CARD10: variants seen among roughly 807,000 people sequenced by gnomAD.
CARD10 encodes the protein caspase recruitment domain-containing protein 10.
A neutral mutation model predicts 114.6 loss-of-function variants in CARD10; 49 were observed. The ratio of observed to expected loss-of-function variants is 0.43; its 90% CI spans 0.34 to 0.54. The LOEUF (loss-of-function observed/expected upper bound fraction) is 0.54. Ranked by LOEUF, CARD10 falls within the 20% of genes least tolerant of loss-of-function variation. CARD10 has a pLI of 0.03. For missense variants in CARD10, 1,206 were observed against 1,397.2 expected, an observed-to-expected ratio of 0.86 and a Z score of 2.18; for synonymous variants, 602 against 593.2, an observed-to-expected ratio of 1.01 and a Z score of -0.21.
rs184229951 is a variant in CARD10 at position 37,507,930 on chromosome 22, G to A, written c.1090C>T (p.Arg364Trp). 2.7e-5 allele frequency: 44 copies of A among 1,614,086 alleles called. 1 individual carries two copies. Among genetic ancestry groups the A allele is most frequent in the Non-Finnish European group, 3.5e-5 (41 of 1,179,982 alleles). ...TTCTGCAGCGTGCGGTGCTTGAGCC[G>A]CAGGTCTTCCATCTCCTGCAGGTAC... is the stretch of plus-strand genomic sequence containing the variant. ...DQYLQEMEDL[R>W]LKHRTLQKDC... Residue 364 changes from arginine to tryptophan, a missense_variant, in exon 6 of 20, where the codon CGG (arginine) becomes TGG (tryptophan). This residue lies in a region of CARD10 where 1,068 missense variants were observed against 1,179.1 expected (regional missense o/e 0.91). Coordinates refer to ENST00000251973, the MANE Select transcript of CARD10 (RefSeq NM_014550.4).
chr22:37,502,842 A>T, intron 10 of CARD10, 117 bp from the exon 11 acceptor site: 1 of 1,240,270 alleles, frequency 8.1e-7, no homozygotes, highest in East Asian at 2.5e-5. Context: ...TTGAGGCCCC[A>T]GGAGCACATC....
chr22:37,510,942 C>T (rs183514640), intron 3 of CARD10, among the ~76,000 whole-genome samples: 1 of 152,012 alleles, frequency 6.6e-6, no homozygotes, highest in South Asian at 2.1e-4. Context: ...ATGAGCTGGG[C>T]GTGGTGGCAC....
intron 3 of CARD10, among the ~76,000 whole-genome samples, chr22:37,511,081 CAAAAAA>C (rs869295765): frequency 1.1e-5 from 1 of 92,068 alleles, no homozygotes; most frequent in Non-Finnish European, 2.3e-5. Flanking sequence ...GACTCTGTCT[CAAAAAA>C]AAAAAAAAAA....
intron 11 of CARD10, among the ~76,000 whole-genome samples, chr22:37,498,877 C>G (rs1055509876): frequency 7.3e-6 from 1 of 136,498 alleles, no homozygotes; most frequent in Non-Finnish European, 1.5e-5. Context: ...GACAATGACA[C>G]CCCTTGCCCT....
In CARD10 at chr22:37,496,843, T is replaced by G. The variant is rs1157019433; in HGVS notation, c.1947+176A>C. 3 of 787,894 alleles carry G rather than the reference T, an allele frequency of 3.8e-6. No homozygotes were observed. In the African/African-American group the frequency reaches 5.2e-5, roughly 14 times the overall value. 48.8% of individuals were successfully genotyped at this position (787,894 alleles called of 1,614,324 possible). On this transcript the variant is annotated intron_variant, in intron 12 of 19. Coordinates refer to ENST00000251973, the MANE Select transcript of CARD10 (RefSeq NM_014550.4). This position sits in a 1 kb window ranked among gnomAD's most constrained non-coding sequence, Gnocchi z 4.1. Reference sequence around the variant, plus strand: ...GCTCCACCTCCCAGTCCCTGCCCAATCAGACTTCAATTAAGCCTGGCTGAG... The same window carrying G: ...GCTCCACCTCCCAGTCCCTGCCCAAGCAGACTTCAATTAAGCCTGGCTGAG...
chr22:37,492,305 T>C lies in CARD10; in HGVS notation c.2751+130A>G. 2.9e-6 allele frequency: 2 copies of C among 697,248 alleles called. No individual in the cohort carries two copies. The highest frequency in any genetic ancestry group is 4.6e-6 in the Non-Finnish European group (2 of 430,822). The allele number at this position is 697,248 out of a possible 1,614,324, so 43.2% of individuals were successfully genotyped here. ...TGAAGGCCACAGGAGGGAAAGGACT[T>C]GGCCAGGGCCGCCCTGCCAGTGAGC... is the stretch of plus-strand genomic sequence containing the variant. On this transcript the variant is annotated intron_variant, in intron 18 of 19. Transcript: ENST00000251973. This position sits in a 1 kb window ranked among gnomAD's most constrained non-coding sequence, Gnocchi z 5.7.
rs1251429256 is a variant in CARD10 at position 37,499,856 on chromosome 22, G to T, written c.1788-2678C>A. Among the ~76,000 whole-genome samples the T allele has an allele frequency of 2.0e-5, 3 of 152,024 alleles. No homozygotes were observed. The East Asian group carries it at 5.8e-4, about 29-fold the overall frequency. On this transcript the variant is annotated intron_variant, in intron 11 of 19. Transcript: ENST00000251973. The stretch of plus-strand genomic sequence containing the variant: ...GTAGAGAAAGGACACAGCAGGGAGA[G>T]GGGCTGCCTGCTCCCCGCTCCTGGG...
intron 16 of CARD10, 30 bp downstream of exon 16, chr22:37,494,056 C>A: frequency 6.9e-7 from 1 of 1,459,748 alleles, no homozygotes; most frequent in Non-Finnish European, 9.4e-7. Flanking sequence ...GGGAGCAACA[C>A]GGGATACAGC....
Position 37,497,073 on chromosome 22 carries a change from A to G in CARD10, c.1893T>C (p.Ala631=). 2 of 1,614,086 alleles carry G rather than the reference A, an allele frequency of 1.2e-6. No homozygotes were observed. The highest frequency in any genetic ancestry group is 1.7e-6 in the Non-Finnish European group (2 of 1,180,014). Reference sequence around the variant, plus strand: ...GCCCAGACAGCACCCTGCGCACCACAGCCCCAGACCATCTGTCCCCATAAA... The same window carrying G: ...GCCCAGACAGCACCCTGCGCACCACGGCCCCAGACCATCTGTCCCCATAAA... ...LSFYGDRWSG[A]VVRRVLSGPG... is the part of the protein sequence containing the mutation. The change falls in exon 12 of 20, where the codon GCT becomes GCC. Residue 631 remains alanine (A), a synonymous_variant. Coordinates refer to ENST00000251973, the MANE Select transcript of CARD10 (RefSeq NM_014550.4).
At position 37,504,677 on chromosome 22, in the gene CARD10, A is replaced by T; in HGVS notation, c.1476T>A (p.Thr492=). 1 of 1,570,176 alleles carries T rather than the reference A, an allele frequency of 6.4e-7. No individual in the cohort carries two copies. The highest frequency in any genetic ancestry group is 1.2e-5 in the South Asian group (1 of 83,928). The part of the protein sequence containing the change: ...FPSPLGGPEA[T]GEAAVMGGPE... The stretch of plus-strand genomic sequence containing the variant: ...GTCCCCCCATGACAGCTGCCTCCCC[A>T]GTTGCTTCTGGGCCTCCCAGAGGGG... Residue 492 remains threonine, a synonymous_variant, in exon 8 of 20, where the codon ACT becomes ACA. Transcript: ENST00000251973.
chr22:37,510,350 C>T lies in CARD10; in HGVS notation c.771G>A (p.Pro257=), dbSNP rs992044188. The change falls in exon 4 of 20, where the codon CCG becomes CCA. Residue 257 remains proline (P), a synonymous_variant. Transcript: ENST00000251973. ...ECALLRRARG[P]PPGAEEKEKE... ...TCTCCTTCTCCTCTGCCCCAGGGGG[C>T]GGGCCCCTGGCCCTTCGAAGCAGTG... 1.9e-6 allele frequency: 3 copies of T among 1,612,808 alleles called. No individual in the cohort carries two copies. The highest frequency in any genetic ancestry group is 2.5e-6 in the Non-Finnish European group (3 of 1,179,916).
intron 11 of CARD10, among the ~76,000 whole-genome samples, chr22:37,499,722 A>G (rs1466562626): frequency 6.6e-6 from 1 of 151,998 alleles, no homozygotes; most frequent in African/African-American, 2.4e-5. Context: ...GACCAGGAAT[A>G]CCTGCTCCCA....
At chr22:37,497,572 C>T (rs1488760734) in intron 11 of CARD10, among the ~76,000 whole-genome samples, 3 of 152,146 alleles carry the variant, frequency 2.0e-5, no homozygotes, top group African/African-American at 4.8e-5. Context: ...CTAATAAAAG[C>T]TTGTTATATA....
chr22:37,490,522 C>T lies in CARD10; in HGVS notation c.*637G>A, dbSNP rs1308624592. 6.6e-6 allele frequency: 1 copy of T among 152,342 alleles called. No individual in the cohort carries two copies. 9.4% of individuals were successfully genotyped at this position (152,342 alleles called of 1,614,324 possible). On this transcript the variant is annotated 3_prime_UTR_variant, in exon 20 of 20. Transcript: ENST00000251973. ...GGAGTGGGCCCTGTGAGGCACGGTC[C>T]TGAGTGTGCCCGCCAGGAACGCACA...
Position 37,502,744 on chromosome 22 carries a change from G to A in CARD10, c.1664-19C>T, listed in dbSNP as rs745488661. 4.3e-6 allele frequency: 7 copies of A among 1,610,258 alleles called. No homozygotes were observed. The highest frequency in any genetic ancestry group is 1.3e-5 in the African/African-American group (1 of 74,874). On this transcript the variant is annotated intron_variant, in intron 10 of 19. Coordinates refer to ENST00000251973, the MANE Select transcript of CARD10 (RefSeq NM_014550.4). ...ACACTCCCTGGGGAAAAAGAATGAG[G>A]TTCAGGGATCTGGCACTGGGAAACA...
At position 37,516,123 on chromosome 22, in the gene CARD10, C is replaced by G. The variant is rs1329666723; in HGVS notation, c.549G>C (p.Glu183Asp). ...AGTCCTCCCGCAGCCGTTGACAGCG[C>G]TCCTGAGCCTGCTGCTGGTCCCGCA... is the stretch of plus-strand genomic sequence containing the variant. The part of the protein sequence containing the change: ...QRLRDQQQAQ[E>D]RCQRLREDWE... The change falls in exon 3 of 20, where the codon GAG becomes GAC. Residue 183 changes from glutamate (E) to aspartate (D), a missense_variant. Physicochemically the swap from Glu to Asp is conservative, Grantham distance 45. Transcript: ENST00000251973. 1 of 1,596,270 alleles carries G rather than the reference C, an allele frequency of 6.3e-7. No individual in the cohort carries two copies. The highest frequency in any genetic ancestry group is 2.3e-5 in the East Asian group (1 of 44,004).
At chr22:37,517,756 T>C (rs1287179322) in intron 2 of CARD10, among the ~76,000 whole-genome samples, 1 of 152,236 alleles carries the variant, frequency 6.6e-6, no homozygotes, top group African/African-American at 2.4e-5. Context: ...AAGAGCCATC[T>C]TAAGCATGTG....
chr22:37,515,192 A>G (rs1224150904), intron 3 of CARD10, among the ~76,000 whole-genome samples: 4 of 152,226 alleles, frequency 2.6e-5, no homozygotes, highest in Admixed American at 6.5e-5. Flanking sequence ...GTCTCTTGAT[A>G]ATAATATCAA....
Position 37,502,639 on chromosome 22 carries a change from G to C in CARD10, c.1750C>G (p.Leu584Val). 1 of 1,613,940 alleles carries C rather than the reference G, an allele frequency of 6.2e-7. No homozygotes were observed. The highest frequency in any genetic ancestry group is 8.5e-7 in the Non-Finnish European group (1 of 1,179,970). The change falls in exon 11 of 20, where the codon CTC becomes GTC. Residue 584 changes from leucine (L) to valine (V), a missense_variant. By Grantham distance (32) the Leu-to-Val change is conservative. Transcript: ENST00000251973. ...SVWPLGKPEGLLARGCGLDFL... is the reference protein window; with the variant it reads ...SVWPLGKPEGVLARGCGLDFL... The stretch of plus-strand genomic sequence containing the variant: ...TCCAGGCCACAGCCCCGAGCCAGGA[G>C]GCCTTCCGGCTTTCCCAAAGGCCAC...
Sources: allele counts gnomAD v4.1 joint callset (sites outside exome capture counted in the v4.1 genomes callset), GRCh38; gene constraint gnomAD v4.1.1; regional missense constraint gnomAD v4.1.1; non-coding constraint Gnocchi (gnomAD v3.1); transcripts MANE v1.5; gene names NCBI Gene and HGNC (gene_info 2026-07-23, HGNC 2026-07-21).